The following KCNMA1 variants were observed in gnomAD, a reference collection of about 807,000 sequenced individuals.
KCNMA1 encodes potassium calcium-activated channel subfamily M alpha 1, also known as Calcium-activated potassium channel subunit alpha-1.
Under a neutral mutation model 140.0 loss-of-function variants are expected in KCNMA1, and 29 were observed. The observed-to-expected ratio is 0.21, with a 90% confidence interval of 0.15 to 0.28. KCNMA1 has a LOEUF of 0.28. KCNMA1 is among the 10% of genes least tolerant of loss of function. The pLI is 1.00. For synonymous variants in KCNMA1, 612 were observed against 611.9 expected (o/e 1.00, Z 0.00); for missense variants, 880 against 1,602.2 (o/e 0.55, Z 7.70).
chr10:77,044,746 C>T (rs2094941476), intron 14 of KCNMA1, among the ~76,000 whole-genome samples: 1 of 152,108 alleles, frequency 6.6e-6, no homozygotes, highest in Non-Finnish European at 1.5e-5. Flanking sequence ...ATTATGAATT[C>T]CCCTTTTATA....
chr10:77,341,864 T>A (rs1318860810), intron 2 of KCNMA1, among the ~76,000 whole-genome samples: 1 of 152,212 alleles, frequency 6.6e-6, no homozygotes, highest in Non-Finnish European at 1.5e-5. Flanking sequence ...TGGAATTTGG[T>A]ATAGTCAGGG....
chr10:77,324,387 C>G (rs2083260067), intron 2 of KCNMA1, among the ~76,000 whole-genome samples: 1 of 152,166 alleles, frequency 6.6e-6, no homozygotes, highest in Admixed American at 6.5e-5. Context: ...TTAAAGTACC[C>G]AGTACCAAGC....
At chr10:77,403,288 G>A (rs1479063094) in intron 2 of KCNMA1, among the ~76,000 whole-genome samples, 6 of 152,136 alleles carry the variant, frequency 3.9e-5, no homozygotes, top group Non-Finnish European at 8.8e-5. Flanking sequence ...GCACACAAGC[G>A]AGCTCTAGGT....
rs900450880 is a variant in KCNMA1, at chr10:77,163,652, C to T, written c.808+19769G>A. 4.6e-5 allele frequency among the ~76,000 whole-genome samples: 7 copies of T among 152,200 alleles called. No individual in the cohort carries two copies. The East Asian group carries it at 1.3e-3, about 29-fold the overall frequency. ...TCAAGTAACCTTCCAAGCACCTTTGCAATCACAACAGTGAGGAGAGCTAAG... is the reference window on the plus strand; with the variant it reads ...TCAAGTAACCTTCCAAGCACCTTTGTAATCACAACAGTGAGGAGAGCTAAG... On this transcript the variant is annotated intron_variant, in intron 5 of 27. Coordinates refer to ENST00000286628, the MANE Select transcript of KCNMA1 (RefSeq NM_001161352.2).
intron 1 of KCNMA1, among the ~76,000 whole-genome samples, chr10:77,626,007 A>G (rs2092455278): frequency 7.0e-6 from 1 of 142,218 alleles, no homozygotes; most frequent in Non-Finnish European, 1.5e-5. Context: ...ATCCTCACCA[A>G]CACTGGTGAT....
At chr10:77,440,381 A>G (rs781055709) in intron 1 of KCNMA1, among the ~76,000 whole-genome samples, 10 of 152,208 alleles carry the variant, frequency 6.6e-5, no homozygotes, top group Non-Finnish European at 1.5e-4. Context: ...CTAAGGCCAC[A>G]GGGTTAAGTA....
chr10:77,003,419 A>G (rs1358296848), intron 18 of KCNMA1, among the ~76,000 whole-genome samples: 1 of 152,236 alleles, frequency 6.6e-6, no homozygotes, highest in Non-Finnish European at 1.5e-5. Context: ...GGCTGAAGTC[A>G]AGAAAGGGAA....
chr10:77,058,616 T>C (rs2095629598), intron 14 of KCNMA1, among the ~76,000 whole-genome samples: 1 of 152,094 alleles, frequency 6.6e-6, no homozygotes, highest in Non-Finnish European at 1.5e-5. Flanking sequence ...ATAAGAGGAA[T>C]ATCTTCAAAT....
At chr10:77,549,579 G>C (rs996490283) in intron 1 of KCNMA1, among the ~76,000 whole-genome samples, 1 of 152,166 alleles carries the variant, frequency 6.6e-6, no homozygotes, top group Non-Finnish European at 1.5e-5. Context: ...CCATGAAGAA[G>C]GCCAAAAAAA....
At position 77,217,536 on chromosome 10, in the gene KCNMA1, G is replaced by T. The variant is rs1240388075; in HGVS notation, c.603-32620C>A. 2.4e-5 allele frequency: 11 copies of T among 456,432 alleles called. No homozygotes were observed. The Admixed American group carries it at 2.6e-4, about 11-fold the overall frequency. 28.3% of individuals were successfully genotyped at this position (456,432 alleles called of 1,614,324 possible). On this transcript the variant is annotated intron_variant, in intron 3 of 27. Coordinates refer to ENST00000286628, the MANE Select transcript of KCNMA1 (RefSeq NM_001161352.2). ...GGAATTTCCTGCATTCAATATGTTG[G>T]TTTGCCATGAAGTCTCCAGGAGCTG...
chr10:77,120,694 C>A lies in KCNMA1; in HGVS notation c.884+279G>T, dbSNP rs1483196446. Among the ~76,000 whole-genome samples the A allele has an allele frequency of 2.6e-5, 4 of 152,108 alleles. No individual in the cohort carries two copies. The East Asian group carries it at 7.7e-4, about 29-fold the overall frequency. On this transcript the variant is annotated intron_variant, in intron 6 of 27. Transcript: ENST00000286628. ...ACACCGTGGCTCTTATCTGGGCAAC[C>A]CCACTGGGCACACAGATATCAGCTA... is the stretch of plus-strand genomic sequence containing the variant.
At chr10:76,955,891 A>G (rs903880906) in intron 20 of KCNMA1, among the ~76,000 whole-genome samples, 2 of 152,174 alleles carry the variant, frequency 1.3e-5, no homozygotes, top group Admixed American at 1.3e-4. Flanking sequence ...TTGCAAGAGG[A>G]TATTAGCAGA....
chr10:76,935,199 G>T (rs1490052097), intron 23 of KCNMA1, among the ~76,000 whole-genome samples: 1 of 152,176 alleles, frequency 6.6e-6, no homozygotes, highest in Non-Finnish European at 1.5e-5. Flanking sequence ...AAAAAATGGG[G>T]ATTCACAGAG....
chr10:77,336,978 T>A (rs770597690), intron 2 of KCNMA1, among the ~76,000 whole-genome samples: 1 of 152,246 alleles, frequency 6.6e-6, no homozygotes, highest in Admixed American at 6.5e-5. Flanking sequence ...GGTCACCTCT[T>A]TCTGGAAGCT....
intron 2 of KCNMA1, among the ~76,000 whole-genome samples, chr10:77,362,352 C>A (rs1366123271): frequency 1.2e-5 from 1 of 81,086 alleles, no homozygotes; most frequent in African/African-American, 6.7e-5. Context: ...TATCCCCCCC[C>A]ACCCCCCCCA....
chr10:77,576,808 G>C (rs1033389900), intron 1 of KCNMA1, among the ~76,000 whole-genome samples: 4 of 152,164 alleles, frequency 2.6e-5, no homozygotes, highest in East Asian at 1.9e-4. Context: ...AGAGCTACAG[G>C]ATATCAAGCC....
chr10:77,083,666 T>TAA (rs1002700713), intron 12 of KCNMA1, among the ~76,000 whole-genome samples: 3 of 147,058 alleles, frequency 2.0e-5, no homozygotes, highest in Admixed American at 2.0e-4. Flanking sequence ...CTGTCCCTAC[T>TAA]AAAAAAAAAA....
intron 3 of KCNMA1, among the ~76,000 whole-genome samples, chr10:77,226,660 T>G (rs908881777): frequency 2.0e-5 from 3 of 152,288 alleles, no homozygotes; most frequent in Admixed American, 2.0e-4. Context: ...AGAAAAGAAC[T>G]GACAACTGGC....
At chr10:77,406,861 T>C (rs1290286501) in intron 1 of KCNMA1, among the ~76,000 whole-genome samples, 1 of 152,114 alleles carries the variant, frequency 6.6e-6, no homozygotes, top group Non-Finnish European at 1.5e-5. Flanking sequence ...ACCTGGAAGA[T>C]AGCTCCCTGC....
Sources: allele counts gnomAD v4.1 joint callset (sites outside exome capture counted in the v4.1 genomes callset), GRCh38; gene constraint gnomAD v4.1.1; transcripts MANE v1.5; gene names NCBI Gene and HGNC (gene_info 2026-07-23, HGNC 2026-07-21).